TENM2: variants seen among roughly 807,000 people sequenced by gnomAD.
The protein encoded by TENM2 is teneurin-2.
Under a neutral mutation model 245.2 loss-of-function variants are expected in TENM2, and 52 were observed. The observed-to-expected ratio is 0.21, with a 90% CI of 0.17 to 0.27. The LOEUF is 0.27. TENM2 is among the 10% of genes least tolerant of loss of function. The pLI, the probability that TENM2 is intolerant of heterozygous loss-of-function variation, is 1.00. For synonymous variants in TENM2, 1,363 were observed against 1,438.9 expected, an observed-to-expected ratio of 0.95 and a Z score of 1.19; for missense variants, 3,046 against 3,666.8, an observed-to-expected ratio of 0.83 and a Z score of 4.37.
intron 6 of TENM2, among the ~76,000 whole-genome samples, chr5:168,050,535 C>A (rs1391065483): frequency 2.0e-5 from 3 of 152,246 alleles, no homozygotes; most frequent in Non-Finnish European, 2.9e-5. Context: ...CAAGATACAC[C>A]ACACATTGCC....
chr5:167,686,995 G>C (rs1261185202), intron 2 of TENM2, among the ~76,000 whole-genome samples: 2 of 152,044 alleles, frequency 1.3e-5, no homozygotes, highest in Non-Finnish European at 2.9e-5. Context: ...CTGTTGAAAG[G>C]GCTATTCTCA....
the TENM2 span, among the ~76,000 whole-genome samples, chr5:167,276,527 A>G: frequency 1.3e-5 from 2 of 152,032 alleles, no homozygotes; most frequent in South Asian, 2.1e-4. Context: ...GTTTTTTGAG[A>G]AGTTAGTCCA....
chr5:167,251,116 A>G, the TENM2 span, among the ~76,000 whole-genome samples: 1 of 152,252 alleles, frequency 6.6e-6, no homozygotes, highest in South Asian at 2.1e-4. Context: ...GACTCTTTAT[A>G]TTCTGAATAC....
At chr5:167,368,671 C>A (rs931497329) in intron 1 of TENM2, among the ~76,000 whole-genome samples, 29 of 151,992 alleles carry the variant, frequency 1.9e-4, no homozygotes, top group African/African-American at 6.8e-4. Context: ...GTCTTGACAG[C>A]CAGGTGGATG....
intron 3 of TENM2, 72 bp downstream of exon 5, chr5:167,876,267 C>T: frequency 4.6e-6 from 6 of 1,304,776 alleles, no homozygotes; most frequent in South Asian, 1.3e-5. Flanking sequence ...ACCAAAATGA[C>T]AATGCTGAAA....
At chr5:167,202,983 T>C in the TENM2 span, among the ~76,000 whole-genome samples, 1 of 152,334 alleles carries the variant, frequency 6.6e-6, no homozygotes, top group East Asian at 1.9e-4. Flanking sequence ...GATGAGGGAA[T>C]TGAGGTAGAG....
intron 2 of TENM2, among the ~76,000 whole-genome samples, chr5:167,458,253 G>A (rs527688769): frequency 4.6e-5 from 7 of 151,932 alleles, no homozygotes; most frequent in African/African-American, 1.7e-4. Flanking sequence ...TTGGGAGGCC[G>A]AGACAGGTGG....
chr5:167,390,973 A>G (rs1356726974), intron 2 of TENM2, among the ~76,000 whole-genome samples: 4 of 152,078 alleles, frequency 2.6e-5, no homozygotes, highest in Admixed American at 2.0e-4. Context: ...CTCCAGCTCA[A>G]CTGAGCTACT....
chr5:167,586,363 A>G (rs1775496737), intron 2 of TENM2, among the ~76,000 whole-genome samples: 1 of 152,224 alleles, frequency 6.6e-6, no homozygotes, highest in Admixed American at 6.5e-5. Context: ...CAAGCCCCAC[A>G]GATACGGAGG....
At chr5:167,167,487 G>A in the TENM2 span, among the ~76,000 whole-genome samples, 19 of 152,190 alleles carry the variant, frequency 1.2e-4, no homozygotes, top group African/African-American at 3.6e-4. Flanking sequence ...GTTCCCAAGC[G>A]TTTCCACATT....
At chr5:167,610,160 G>A (rs953858257) in intron 2 of TENM2, among the ~76,000 whole-genome samples, 5 of 152,040 alleles carry the variant, frequency 3.3e-5, no homozygotes, top group Non-Finnish European at 5.9e-5. Context: ...AAACAGCCAG[G>A]CAGAAGAGAA....
chr5:167,587,922 G>A (rs1237161183), intron 2 of TENM2, among the ~76,000 whole-genome samples: 1 of 152,110 alleles, frequency 6.6e-6, no homozygotes, highest in East Asian at 1.9e-4. Context: ...GGTTTGCAAA[G>A]GTCTGCTTTA....
chr5:167,291,600 T>C (rs1247958590), intron 1 of TENM2, among the ~76,000 whole-genome samples: 1 of 152,230 alleles, frequency 6.6e-6, no homozygotes, highest in African/African-American at 2.4e-5. Flanking sequence ...CAGGCTGGCC[T>C]GGCATGGGAC....
the TENM2 span, among the ~76,000 whole-genome samples, chr5:167,194,149 G>T: frequency 6.6e-6 from 1 of 151,892 alleles, no homozygotes; most frequent in African/African-American, 2.4e-5. Context: ...CATAACAGCC[G>T]CCTACACCCT....
At chr5:168,031,855 C>CAA (rs1787179135) in intron 5 of TENM2, among the ~76,000 whole-genome samples, 1 of 151,938 alleles carries the variant, frequency 6.6e-6, no homozygotes, top group African/African-American at 2.4e-5. Flanking sequence ...AAAGCTTTCC[C>CAA]AAAGCCTCAC....
In TENM2 at chr5:168,042,532, C is replaced by A. The variant is rs369523800; in HGVS notation, c.1187-4895C>A. 4.6e-5 allele frequency among the ~76,000 whole-genome samples: 7 copies of A among 152,214 alleles called. No individual in the cohort carries two copies. The East Asian group carries it at 1.2e-3, about 25-fold the overall frequency. On this transcript the variant is annotated intron_variant, in intron 5 of 28. Coordinates refer to ENST00000518659, the Ensembl canonical transcript of TENM2. ...ATTCCCTAATTACTATTTCATACAA[C>A]CCCCATTCCAAGCTGCCACTTTTCT...
At chr5:167,649,349 G>C (rs554411198) in intron 2 of TENM2, among the ~76,000 whole-genome samples, 1 of 152,164 alleles carries the variant, frequency 6.6e-6, no homozygotes, top group African/African-American at 2.4e-5. Context: ...TGATGGGCAG[G>C]TGGTGCTGGA....
At chr5:167,542,843 A>G (rs1772303267) in intron 2 of TENM2, among the ~76,000 whole-genome samples, 1 of 152,168 alleles carries the variant, frequency 6.6e-6, no homozygotes, top group South Asian at 2.1e-4. Context: ...ACTGGACGTC[A>G]CAGTTATTTC....
intron 22 of TENM2, among the ~76,000 whole-genome samples, chr5:168,217,543 T>G (rs756408154): frequency 1.2e-4 from 19 of 152,184 alleles, no homozygotes; most frequent in Non-Finnish European, 1.3e-4. Flanking sequence ...AACAGACAAC[T>G]TGCTACTGAG....
Sources: allele counts gnomAD v4.1 joint callset (sites outside exome capture counted in the v4.1 genomes callset), GRCh38; gene constraint gnomAD v4.1.1; transcripts MANE v1.5; gene names NCBI Gene and HGNC (gene_info 2026-07-23, HGNC 2026-07-21).